SCRN3: variants seen among roughly 807,000 people sequenced by gnomAD.
SCRN3 encodes the protein secernin 3, also known as secernin-3.
In SCRN3, 39 loss-of-function variants were observed where a neutral mutation model predicts 43.1. That is an observed-to-expected ratio of 0.91 (90% confidence interval 0.70 to 1.18). The LOEUF (loss-of-function observed/expected upper bound fraction) is 1.18, where lower values mean the gene tolerates loss of function less well. SCRN3 is among the 50% of genes most tolerant of loss of function. The pLI is 0.00. For missense variants in SCRN3, 484 were observed against 498.0 expected, an observed-to-expected ratio of 0.97 and a Z score of 0.27; for synonymous variants, 147 against 163.1, an observed-to-expected ratio of 0.90 and a Z score of 0.75.
chr2:174,425,031 A>C (rs1345107452), intron 7 of SCRN3, among the ~76,000 whole-genome samples: 1 of 152,154 alleles, frequency 6.6e-6, no homozygotes, highest in African/African-American at 2.4e-5. Flanking sequence ...TATATATCCC[A>C]CACCAAAAAT....
intron 7 of SCRN3, among the ~76,000 whole-genome samples, chr2:174,425,224 A>G (rs1241259723): frequency 6.6e-6 from 1 of 152,198 alleles, no homozygotes; most frequent in Non-Finnish European, 1.5e-5. Flanking sequence ...TATAAGAGCA[A>G]TATATCACTC....
At chr2:174,396,950 A>C (rs1489053440) in intron 1 of SCRN3, 1 of 378,776 alleles carries the variant, frequency 2.6e-6, no homozygotes, top group Non-Finnish European at 3.6e-6. Context: ...ATAACAGCCC[A>C]TCAAATAGTG....
At chr2:174,396,704 A>G (rs1257603813) in intron 1 of SCRN3, among the ~76,000 whole-genome samples, 1 of 152,086 alleles carries the variant, frequency 6.6e-6, no homozygotes, top group Non-Finnish European at 1.5e-5. Context: ...AGGTTGAGGC[A>G]GGAGAATCAC....
chr2:174,397,347 C>T (rs988338707), intron 1 of SCRN3: 3 of 983,112 alleles, frequency 3.1e-6, no homozygotes, highest in South Asian at 9.4e-5. Flanking sequence ...AAAATAAGGA[C>T]CTTTAGGTGT....
At chr2:174,417,855 TAGTA>T (rs2105611092) in intron 5 of SCRN3, among the ~76,000 whole-genome samples, 1 of 152,350 alleles carries the variant, frequency 6.6e-6, no homozygotes, top group East Asian at 1.9e-4. Flanking sequence ...TGTGTGTGCT[TAGTA>T]AGTATTGAAT....
intron 4 of SCRN3, among the ~76,000 whole-genome samples, chr2:174,402,534 G>A (rs903305385): frequency 5.3e-5 from 8 of 151,976 alleles, no homozygotes; most frequent in African/African-American, 1.2e-4. Flanking sequence ...CAAAAAATAC[G>A]AAAATTAGCT....
At chr2:174,408,330 C>T (rs1156344627) in intron 5 of SCRN3, among the ~76,000 whole-genome samples, 2 of 128,290 alleles carry the variant, frequency 1.6e-5, no homozygotes, top group African/African-American at 5.3e-5. Context: ...TTCCTCCATC[C>T]TTTTATTTTG....
chr2:174,420,568 T>C (rs1444494665), intron 5 of SCRN3, among the ~76,000 whole-genome samples: 1 of 152,158 alleles, frequency 6.6e-6, no homozygotes, highest in African/African-American at 2.4e-5. Flanking sequence ...GAAATTACTA[T>C]TATATATTCA....
rs1686591527 is a variant in SCRN3, at chr2:174,429,542, C to T, written c.*1647C>T. The T allele has an allele frequency of 6.6e-6, 1 of 152,166 alleles. No individual in the cohort carries two copies. The highest frequency in any genetic ancestry group is 2.4e-5 in the African/African-American group (1 of 41,418). The allele number at this position is 152,166 out of a possible 1,614,324, so 9.4% of individuals were successfully genotyped here. The stretch of plus-strand genomic sequence containing the variant: ...AGAGTTCCAATACAGCCCCTATCAG[C>T]ATACATGCATAGCCTCCCCCACTAT... On this transcript the variant is annotated 3_prime_UTR_variant, in exon 8 of 8. Transcript: ENST00000272732.
chr2:174,420,886 G>C (rs1686270936), intron 5 of SCRN3, among the ~76,000 whole-genome samples: 1 of 152,116 alleles, frequency 6.6e-6, no homozygotes, highest in Non-Finnish European at 1.5e-5. Flanking sequence ...AGAGAAAATA[G>C]GGAAGGGCAA....
chr2:174,400,974 T>C lies in SCRN3; in HGVS notation c.342-16T>C, dbSNP rs151101559. The C allele has an allele frequency of 8.3e-3, 13,054 of 1,563,740 alleles. 64 individuals carry two copies. Among genetic ancestry groups the C allele is most frequent in the Middle Eastern group, 0.013 (78 of 5,870 alleles). Reference sequence around the variant, plus strand: ...GAAATTTATTTTAATATGAGAACTTTATATTTTTGTTTTAGACTTGGCCTT... The same window carrying C: ...GAAATTTATTTTAATATGAGAACTTCATATTTTTGTTTTAGACTTGGCCTT... On this transcript the variant is annotated splice_polypyrimidine_tract_variant and intron_variant, in intron 3 of 7. Coordinates refer to ENST00000272732, the MANE Select transcript of SCRN3 (RefSeq NM_024583.5).
chr2:174,410,320 CGCA>C (rs1685870662), intron 5 of SCRN3: 1 of 150,728 alleles, frequency 6.6e-6, no homozygotes, highest in Non-Finnish European at 1.5e-5. Flanking sequence ...CTTCGGCTCG[CGCA>C]CGGTGCGCGC....
At chr2:174,410,818 T>G (rs1471302052) in intron 5 of SCRN3, among the ~76,000 whole-genome samples, 1 of 152,116 alleles carries the variant, frequency 6.6e-6, no homozygotes, top group African/African-American at 2.4e-5. Context: ...ATAAAATATT[T>G]AAACATTCAA....
In SCRN3 at chr2:174,422,454, G is replaced by A. The variant is rs76932888; in HGVS notation, c.755-431G>A. On this transcript the variant is annotated intron_variant, in intron 5 of 7. Coordinates refer to ENST00000272732, the MANE Select transcript of SCRN3 (RefSeq NM_024583.5). Reference sequence around the variant, plus strand: ...TTGGGCATGGTGACATGCGACTTTAGTCCCAGCTACTTGGGAGGCTGAGGC... The same window carrying A: ...TTGGGCATGGTGACATGCGACTTTAATCCCAGCTACTTGGGAGGCTGAGGC... Among the ~76,000 whole-genome samples, 1,482 of 151,994 alleles carry A rather than the reference G, an allele frequency of 9.8e-3. 32 individuals are homozygous for A. The highest frequency in any genetic ancestry group is 0.034 in the African/African-American group (1,406 of 41,448).
At chr2:174,411,702 A>G (rs569311890) in intron 5 of SCRN3, among the ~76,000 whole-genome samples, 1 of 152,156 alleles carries the variant, frequency 6.6e-6, no homozygotes, top group Non-Finnish European at 1.5e-5. Flanking sequence ...AGGGCAGTTC[A>G]TTTGAGGTCA....
At chr2:174,396,846 C>T (rs1219515093) in intron 1 of SCRN3, 1 of 153,062 alleles carries the variant, frequency 6.5e-6, no homozygotes, top group African/African-American at 2.4e-5. Flanking sequence ...ATTTTCTCTC[C>T]TACCAAATAA....
intron 5 of SCRN3, among the ~76,000 whole-genome samples, chr2:174,417,944 A>G (rs1686171420): frequency 6.6e-6 from 1 of 152,230 alleles, no homozygotes; most frequent in South Asian, 2.1e-4. Flanking sequence ...TCACTGTTGC[A>G]TACTTTTTGC....
chr2:174,402,539 T>C (rs1000680131), intron 4 of SCRN3, among the ~76,000 whole-genome samples: 4 of 151,992 alleles, frequency 2.6e-5, no homozygotes, highest in Non-Finnish European at 5.9e-5. Context: ...AATACGAAAA[T>C]TAGCTGAGTG....
At position 174,427,815 on chromosome 2, in the gene SCRN3, A is replaced by G; in HGVS notation, c.1195A>G (p.Ile399Val). The change falls in exon 8 of 8, where the codon ATT becomes GTT. Residue 399 changes from isoleucine (I) to valine (V), a missense_variant. By Grantham distance (29) the Ile-to-Val change is conservative (BLOSUM62 3). Coordinates refer to ENST00000272732, the MANE Select transcript of SCRN3 (RefSeq NM_024583.5). ...LQNKHLDVEK[I>V]VNLFPQCTKD... ...AAACAAGCATCTTGATGTGGAGAAA[A>G]TTGTTAATCTCTTTCCTCAGTGTAC... 1 of 1,610,360 alleles carries G rather than the reference A, an allele frequency of 6.2e-7. No individual in the cohort carries two copies.
Sources: allele counts gnomAD v4.1 joint callset (sites outside exome capture counted in the v4.1 genomes callset), GRCh38; gene constraint gnomAD v4.1.1; transcripts MANE v1.5; gene names NCBI Gene and HGNC (gene_info 2026-07-23, HGNC 2026-07-21).